Variants in SORCS1 observed in about 807,000 individuals in gnomAD.
SORCS1 encodes the protein sortilin related VPS10 domain containing receptor 1.
A neutral mutation model predicts 146.1 loss-of-function variants in SORCS1; 60 were observed. The observed-to-expected ratio is 0.41, with a 90% CI of 0.33 to 0.51. SORCS1 has a LOEUF of 0.51. SORCS1 is among the 20% of genes least tolerant of loss of function. The pLI, the probability that SORCS1 is intolerant of heterozygous loss-of-function variation, is 0.21. For synonymous variants in SORCS1, 637 were observed against 584.0 expected, an observed-to-expected ratio of 1.09 and a Z score of -1.31; for missense variants, 1,352 against 1,487.6, an observed-to-expected ratio of 0.91 and a Z score of 1.50.
chr10:106,941,107 T>C (rs1954020728), intron 2 of SORCS1, among the ~76,000 whole-genome samples: 1 of 152,182 alleles, frequency 6.6e-6, no homozygotes, highest in Admixed American at 6.5e-5. Flanking sequence ...ACCAATCTCA[T>C]AAAAATATTT....
intron 1 of SORCS1, among the ~76,000 whole-genome samples, chr10:107,101,749 A>ATGTGTGTGTGTGTG (rs34645920): frequency 6.8e-6 from 1 of 147,246 alleles, no homozygotes; most frequent in Non-Finnish European, 1.5e-5. Flanking sequence ...TGGGCTAATT[A>ATGTGTGTGTGTGTG]TGTGTGTGTG....
intron 1 of SORCS1, among the ~76,000 whole-genome samples, chr10:107,108,437 G>C (rs1290877125): frequency 6.6e-6 from 1 of 152,140 alleles, no homozygotes; most frequent in Non-Finnish European, 1.5e-5. Context: ...AAAAGCAGAA[G>C]CAAACAAGAG....
chr10:106,906,246 C>G (rs1445600803), intron 2 of SORCS1, among the ~76,000 whole-genome samples: 1 of 152,206 alleles, frequency 6.6e-6, no homozygotes, highest in Admixed American at 6.5e-5. Context: ...TCCCAAATAG[C>G]TGGGATTACA....
At chr10:107,000,561 C>T (rs1018409691) in intron 1 of SORCS1, among the ~76,000 whole-genome samples, 15 of 149,176 alleles carry the variant, frequency 1.0e-4, no homozygotes, top group African/African-American at 3.7e-4. Flanking sequence ...GAGCTGAGAT[C>T]GTGCCAATGC....
At chr10:106,604,656 C>T (rs1214280120) in intron 23 of SORCS1, among the ~76,000 whole-genome samples, 1 of 152,184 alleles carries the variant, frequency 6.6e-6, no homozygotes, top group Non-Finnish European at 1.5e-5. Context: ...TACATTCCTT[C>T]CTTATTGTCC....
rs1274847182 is a variant in SORCS1 at position 106,606,373 on chromosome 10, G to A, written c.3165+793C>T. On this transcript the variant is annotated intron_variant, in intron 23 of 25. Transcript: ENST00000263054. ...ATGAGGAGGAGGTGAACCCCACAGG[G>A]CAGTAGAGTTGCTCGGGAGCTAATG... Among the ~76,000 whole-genome samples, 2 of 151,704 alleles carry A rather than the reference G, an allele frequency of 1.3e-5. 1 individual carries two copies. Among genetic ancestry groups the A allele is most frequent in the African/African-American group, 4.9e-5 (2 of 41,160 alleles).
intron 1 of SORCS1, among the ~76,000 whole-genome samples, chr10:107,144,461 T>C (rs1235508320): frequency 6.6e-6 from 1 of 152,254 alleles, no homozygotes; most frequent in African/African-American, 2.4e-5. Flanking sequence ...TGTAACTCTT[T>C]GCTGACCACA....
In SORCS1 at chr10:106,783,712, T is replaced by C. The variant is rs139753751; in HGVS notation, c.727-7020A>G. 4.1e-4 allele frequency among the ~76,000 whole-genome samples: 63 copies of C among 152,344 alleles called. 1 individual carries two copies. The East Asian group carries it at 0.011, about 26-fold the overall frequency. On this transcript the variant is annotated intron_variant, in intron 3 of 25. Coordinates refer to ENST00000263054, the MANE Select transcript of SORCS1 (RefSeq NM_052918.5). ...GTCAGAAGATCAAAACAGCCAGTTATGGTTCATACCCCAGATTTTTCACAA... is the reference window on the plus strand; with the variant it reads ...GTCAGAAGATCAAAACAGCCAGTTACGGTTCATACCCCAGATTTTTCACAA...
intron 1 of SORCS1, among the ~76,000 whole-genome samples, chr10:106,956,891 C>G (rs1048549902): frequency 6.6e-6 from 1 of 152,140 alleles, no homozygotes; most frequent in African/African-American, 2.4e-5. Context: ...GCCAAATATG[C>G]ACACAACTCA....
intron 1 of SORCS1, among the ~76,000 whole-genome samples, chr10:107,038,767 C>CT (rs1474296472): frequency 6.6e-6 from 1 of 152,022 alleles, no homozygotes; most frequent in Non-Finnish European, 1.5e-5. Context: ...TATACTCTGT[C>CT]TTTTAATCCC....
intron 1 of SORCS1, among the ~76,000 whole-genome samples, chr10:107,007,038 C>T (rs542740196): frequency 7.4e-4 from 113 of 152,292 alleles, no homozygotes; most frequent in Middle Eastern, 3.4e-3. Flanking sequence ...ACTAGACCTA[C>T]GCTTAGCATC....
In SORCS1 at chr10:107,135,819, T is replaced by C. The variant is rs1853093041; in HGVS notation, c.558+28150A>G. Among the ~76,000 whole-genome samples, 2 of 152,348 alleles carry C rather than the reference T, an allele frequency of 1.3e-5. 1 individual carries two copies. The highest frequency in any genetic ancestry group is 4.1e-4 in the South Asian group (2 of 4,826). ...ACAGCCATTGTTGGGTTTATGTTTCTTTTTTAAAGTATTATTAAAATCACA... is the reference window on the plus strand; with the variant it reads ...ACAGCCATTGTTGGGTTTATGTTTCCTTTTTAAAGTATTATTAAAATCACA... On this transcript the variant is annotated intron_variant, in intron 1 of 25. Coordinates refer to ENST00000263054, the MANE Select transcript of SORCS1 (RefSeq NM_052918.5).
chr10:107,031,257 A>T (rs1267574402), intron 1 of SORCS1, among the ~76,000 whole-genome samples: 1 of 152,154 alleles, frequency 6.6e-6, no homozygotes, highest in Non-Finnish European at 1.5e-5. Flanking sequence ...TTTATAGCTA[A>T]GCTCCTTCAT....
intron 1 of SORCS1, among the ~76,000 whole-genome samples, chr10:107,057,500 T>C (rs1426549956): frequency 2.6e-5 from 4 of 152,148 alleles, no homozygotes; most frequent in Non-Finnish European, 2.9e-5. Flanking sequence ...AAGGGCCCAA[T>C]TGCATTCAAC....
chr10:106,686,657 T>G (rs1366376435), intron 10 of SORCS1, among the ~76,000 whole-genome samples: 1 of 152,216 alleles, frequency 6.6e-6, no homozygotes, highest in Non-Finnish European at 1.5e-5. Context: ...CTATAACAAC[T>G]GGCTTTTTCC....
intron 3 of SORCS1, among the ~76,000 whole-genome samples, chr10:106,813,128 CTT>C (rs71025557): frequency 8.8e-4 from 87 of 98,714 alleles, no homozygotes; most frequent in African/African-American, 3.1e-3. Context: ...CTTCTCTTTT[CTT>C]TTTTTTTTTT....
At chr10:106,761,549 G>A (rs754126764) in intron 5 of SORCS1, 39 bp downstream of exon 5, 3 of 1,556,714 alleles carry the variant, frequency 1.9e-6, no homozygotes, top group Non-Finnish European at 2.7e-6. Flanking sequence ...ATCTGACTAG[G>A]TCATATCTTA....
Position 106,690,210 on chromosome 10 carries a change from A to G in SORCS1, c.1414-1872T>C, listed in dbSNP as rs74694472. Among the ~76,000 whole-genome samples the G allele has an allele frequency of 1.9e-3, 285 of 152,362 alleles. 2 individuals are homozygous for G. Among genetic ancestry groups the G allele is most frequent in the African/African-American group, 6.6e-3 (276 of 41,584 alleles). The stretch of plus-strand genomic sequence containing the variant: ...CCAGGGAATTCCATATTGGTTTTGT[A>G]TATGTTCAAGAAGCTGTTACATACT... On this transcript the variant is annotated intron_variant, in intron 9 of 25. Coordinates refer to ENST00000263054, the MANE Select transcript of SORCS1 (RefSeq NM_052918.5).
At chr10:106,976,659 G>A (rs1018502182) in intron 1 of SORCS1, among the ~76,000 whole-genome samples, 1 of 152,086 alleles carries the variant, frequency 6.6e-6, no homozygotes, top group African/African-American at 2.4e-5. Context: ...AGCCGCACAT[G>A]CATTAGGTAT....
Sources: gnomAD v4.1 joint callset for allele counts (sites outside exome capture counted in the v4.1 genomes callset) on GRCh38, gnomAD v4.1.1 for gene constraint, MANE v1.5 for transcripts, NCBI Gene and HGNC (gene_info 2026-07-23, HGNC 2026-07-21) for gene names.